Variants in GRIN2A observed in about 807,000 individuals in gnomAD.
GRIN2A encodes glutamate receptor ionotropic, NMDA 2A.
In GRIN2A, 22 loss-of-function variants were observed where a neutral mutation model predicts 113.4. The ratio of observed to expected loss-of-function variants is 0.19; its 90% confidence interval spans 0.14 to 0.28. GRIN2A has a LOEUF of 0.28. GRIN2A is among the 10% of genes least tolerant of loss of function. The pLI, the probability that GRIN2A is intolerant of heterozygous loss-of-function variation, is 1.00. For missense variants in GRIN2A, 1,502 were observed against 1,887.0 expected (o/e 0.80, Z 3.78); for synonymous variants, 827 against 738.4 (o/e 1.12, Z -1.94).
At chr16:9,942,586 C>A (rs1178842671) in intron 2 of GRIN2A, among the ~76,000 whole-genome samples, 1 of 152,172 alleles carries the variant, frequency 6.6e-6, no homozygotes, top group Non-Finnish European at 1.5e-5. Context: ...ACAGACCACA[C>A]AGACATCGTC....
At chr16:10,154,829 C>T (rs1172505289) in intron 2 of GRIN2A, among the ~76,000 whole-genome samples, 2 of 152,098 alleles carry the variant, frequency 1.3e-5, no homozygotes, top group Admixed American at 1.3e-4. Context: ...GTGAAAGAGG[C>T]ACATTTAGAG....
intron 4 of GRIN2A, among the ~76,000 whole-genome samples, chr16:9,854,714 T>C (rs2042939254): frequency 6.6e-6 from 1 of 152,108 alleles, no homozygotes; most frequent in African/African-American, 2.4e-5. Context: ...TCTGTAACTT[T>C]AGATCAGCAT....
At chr16:10,054,076 T>A (rs572152338) in intron 2 of GRIN2A, among the ~76,000 whole-genome samples, 72 of 152,224 alleles carry the variant, frequency 4.7e-4, no homozygotes, top group Middle Eastern at 3.4e-3. Context: ...AGTTAAAATT[T>A]AATTTTAAAA....
At chr16:10,062,683 G>A (rs750542456) in intron 2 of GRIN2A, among the ~76,000 whole-genome samples, 28 of 152,068 alleles carry the variant, frequency 1.8e-4, no homozygotes, top group Non-Finnish European at 3.8e-4. Flanking sequence ...TGGCCAACAT[G>A]GCAAAACTCC....
chr16:10,083,377 A>C (rs993468196), intron 2 of GRIN2A, among the ~76,000 whole-genome samples: 2 of 152,230 alleles, frequency 1.3e-5, no homozygotes, highest in Non-Finnish European at 2.9e-5. Flanking sequence ...ATGAAGTGCT[A>C]AACTGTGCAT....
intron 2 of GRIN2A, among the ~76,000 whole-genome samples, chr16:10,094,091 G>A (rs1016033296): frequency 2.6e-5 from 4 of 152,132 alleles, no homozygotes; most frequent in Admixed American, 2.0e-4. Flanking sequence ...AGGCCCCAAG[G>A]TTTCATGGAG....
intron 10 of GRIN2A, among the ~76,000 whole-genome samples, chr16:9,807,296 GA>G (rs1337187425): frequency 3.4e-4 from 5 of 14,894 alleles, no homozygotes; most frequent in Non-Finnish European, 5.5e-4. Context: ...GAGGGAGGGA[GA>G]GGGGGAGGGA....
At chr16:9,824,103 C>A (rs749288880) in intron 9 of GRIN2A, among the ~76,000 whole-genome samples, 1 of 152,176 alleles carries the variant, frequency 6.6e-6, no homozygotes, top group Non-Finnish European at 1.5e-5. Context: ...AGTTGAAAAT[C>A]GTTTTCCCTA....
At chr16:9,836,726 T>A (rs908324616) in intron 7 of GRIN2A, among the ~76,000 whole-genome samples, 15 of 152,186 alleles carry the variant, frequency 9.9e-5, no homozygotes, top group African/African-American at 3.4e-4. Flanking sequence ...ACACACATGC[T>A]CCAGAACAAA....
At chr16:9,796,392 G>A (rs980748516) in intron 11 of GRIN2A, among the ~76,000 whole-genome samples, 13 of 152,184 alleles carry the variant, frequency 8.5e-5, no homozygotes, top group African/African-American at 3.1e-4. Flanking sequence ...CTGTAAGGGT[G>A]ATTATCCACC....
chr16:9,803,133 A>G (rs2299935), intron 10 of GRIN2A, among the ~76,000 whole-genome samples: 50,088 of 151,996 alleles, frequency 0.33, 8,425 homozygotes, highest in African/African-American at 0.39. Context: ...TGCCGGGCAC[A>G]GTGGCTAGCG....
chr16:10,009,753 A>C (rs1224253322), intron 2 of GRIN2A, among the ~76,000 whole-genome samples: 1 of 152,146 alleles, frequency 6.6e-6, no homozygotes, highest in Non-Finnish European at 1.5e-5. Context: ...AGAAAGAAAA[A>C]AAAAAAATCA....
intron 2 of GRIN2A, among the ~76,000 whole-genome samples, chr16:10,104,940 G>C (rs553047662): frequency 6.6e-6 from 1 of 152,196 alleles, no homozygotes; most frequent in Non-Finnish European, 1.5e-5. Context: ...TATGACAACA[G>C]GGGGAGGTGC....
intron 2 of GRIN2A, among the ~76,000 whole-genome samples, chr16:10,080,740 G>A (rs1051756556): frequency 6.6e-6 from 1 of 152,122 alleles, no homozygotes; most frequent in Non-Finnish European, 1.5e-5. Context: ...TTGTATTGCA[G>A]CCAGATGACA....
At chr16:9,980,086 C>T (rs2045862365) in intron 2 of GRIN2A, among the ~76,000 whole-genome samples, 1 of 151,210 alleles carries the variant, frequency 6.6e-6, no homozygotes, top group Non-Finnish European at 1.5e-5. Context: ...ATGGTGAAAC[C>T]CCCATCTCTA....
At chr16:9,982,221 C>T (rs2045904712) in intron 2 of GRIN2A, among the ~76,000 whole-genome samples, 1 of 152,088 alleles carries the variant, frequency 6.6e-6, no homozygotes, top group South Asian at 2.1e-4. Flanking sequence ...AGGCTTATGC[C>T]CCCTCCCATA....
At chr16:9,870,804 A>C (rs1358874712) in intron 4 of GRIN2A, among the ~76,000 whole-genome samples, 1 of 151,698 alleles carries the variant, frequency 6.6e-6, no homozygotes, top group African/African-American at 2.4e-5. Flanking sequence ...TGCCTGGCTA[A>C]TTTTTTGTAT....
chr16:10,049,384 T>A (rs1211793057), intron 2 of GRIN2A, among the ~76,000 whole-genome samples: 1 of 122,248 alleles, frequency 8.2e-6, no homozygotes, highest in Non-Finnish European at 1.9e-5. Flanking sequence ...TTTTTTACTA[T>A]TTTTTTTTTT....
At chr16:9,774,881 C>T (rs1021682899) in intron 11 of GRIN2A, among the ~76,000 whole-genome samples, 23 of 152,134 alleles carry the variant, frequency 1.5e-4, no homozygotes, top group African/African-American at 5.6e-4. Context: ...CTCTCTGTGC[C>T]CTTCTAACTC....
Sources: allele counts gnomAD v4.1 joint callset (sites outside exome capture counted in the v4.1 genomes callset), GRCh38; gene constraint gnomAD v4.1.1; transcripts MANE v1.5; gene names NCBI Gene and HGNC (gene_info 2026-07-23, HGNC 2026-07-21).